Variants in FRMD4A observed in about 807,000 individuals in gnomAD.
FRMD4A encodes the protein FERM domain-containing protein 4A.
Under a neutral mutation model 129.1 loss-of-function variants are expected in FRMD4A, and 29 were observed. The observed-to-expected ratio is 0.22, with a 90% confidence interval of 0.17 to 0.31. The LOEUF (loss-of-function observed/expected upper bound fraction) is 0.31. Among genes scored for constraint, FRMD4A ranks in the 10% least tolerant of loss-of-function variants. The probability of loss-of-function intolerance (pLI) is 1.00; values close to 1 mark genes in which losing one functional copy is unlikely to be tolerated. For missense variants in FRMD4A, 1,272 were observed against 1,375.8 expected (o/e 0.92, Z 1.19); for synonymous variants, 634 against 571.6 (o/e 1.11, Z -1.56).
At chr10:14,190,493 G>T (rs140729379) in intron 2 of FRMD4A, among the ~76,000 whole-genome samples, 1 of 152,088 alleles carries the variant, frequency 6.6e-6, no homozygotes, top group East Asian at 1.9e-4. Flanking sequence ...CTCCCGAGTA[G>T]CTGAGACCAC....
In FRMD4A at chr10:13,858,819, C is replaced by T. The variant is rs377018478; in HGVS notation, c.111+28G>A. ...GAAACCACATCAGTCACCAAAGAAA[C>T]TCAGAAAGTTGACCAAAAGCGATTT... On this transcript the variant is annotated intron_variant, in intron 3 of 24. Transcript: ENST00000357447. 95 of 1,384,416 alleles carry T rather than the reference C, an allele frequency of 6.9e-5. No individual in the cohort carries two copies. In the African/African-American group the frequency reaches 1.1e-3, roughly 17 times the overall value. The allele number at this position is 1,384,416 out of a possible 1,614,324, so 85.8% of individuals were successfully genotyped here.
chr10:14,300,936 A>G (rs1466672652), intron 2 of FRMD4A, among the ~76,000 whole-genome samples: 1 of 152,180 alleles, frequency 6.6e-6, no homozygotes, highest in East Asian at 1.9e-4. Flanking sequence ...GTTTTGGCCA[A>G]CAAATGGTCT....
At chr10:13,718,742 T>C (rs1296948348) in intron 12 of FRMD4A, among the ~76,000 whole-genome samples, 1 of 152,210 alleles carries the variant, frequency 6.6e-6, no homozygotes, top group Non-Finnish European at 1.5e-5. Context: ...TAAACAACTT[T>C]CTTTTCACCA....
At chr10:14,210,420 C>A (rs1842903922) in intron 2 of FRMD4A, among the ~76,000 whole-genome samples, 1 of 152,174 alleles carries the variant, frequency 6.6e-6, no homozygotes, top group Non-Finnish European at 1.5e-5. Context: ...TTTGTTACAG[C>A]AGCCCAAACA....
chr10:14,187,821 G>T lies in FRMD4A; in HGVS notation c.45+142237C>A, dbSNP rs1386989213. ...AGACTTGGGAAATTTGGTTTTCTTT[G>T]ATTCCATATTTCACTAGGGGGAAAT... On this transcript the variant is annotated intron_variant, in intron 2 of 24. Transcript: ENST00000357447. 2.0e-5 allele frequency among the ~76,000 whole-genome samples: 3 copies of T among 152,136 alleles called. No homozygotes were observed. In the South Asian group the frequency reaches 6.2e-4, roughly 32 times the overall value.
At chr10:13,683,306 C>T (rs1027171955) in intron 15 of FRMD4A, among the ~76,000 whole-genome samples, 2 of 152,046 alleles carry the variant, frequency 1.3e-5, no homozygotes, top group Non-Finnish European at 1.5e-5. Context: ...AAGAATAGGC[C>T]GGGCCTGGTG....
At chr10:14,128,586 C>T (rs774668912) in intron 2 of FRMD4A, among the ~76,000 whole-genome samples, 4 of 152,280 alleles carry the variant, frequency 2.6e-5, no homozygotes, top group Middle Eastern at 3.4e-3. Context: ...CTTGTTTGTG[C>T]ATGGATTTAC....
At chr10:13,686,001 C>T (rs1402472016) in intron 15 of FRMD4A, among the ~76,000 whole-genome samples, 1 of 152,220 alleles carries the variant, frequency 6.6e-6, no homozygotes, top group Non-Finnish European at 1.5e-5. Flanking sequence ...AATTTTGACT[C>T]AGGCCAGTCC....
chr10:14,092,908 A>T (rs1457727229), intron 2 of FRMD4A, among the ~76,000 whole-genome samples: 1 of 152,194 alleles, frequency 6.6e-6, no homozygotes, highest in Non-Finnish European at 1.5e-5. Context: ...AGACCTAGGT[A>T]TAGAGAAACA....
intron 2 of FRMD4A, among the ~76,000 whole-genome samples, chr10:14,261,294 C>T (rs191060407): frequency 1.9e-3 from 290 of 152,244 alleles, no homozygotes; most frequent in Non-Finnish European, 2.7e-3. Context: ...TATAAATTTC[C>T]TATACATGAT....
intron 2 of FRMD4A, among the ~76,000 whole-genome samples, chr10:14,150,918 G>T (rs902034998): frequency 1.3e-5 from 2 of 152,212 alleles, no homozygotes; most frequent in African/African-American, 4.8e-5. Context: ...GAAGGAATTT[G>T]CAGACTCTGG....
chr10:14,139,217 C>A (rs1048817945), intron 2 of FRMD4A, among the ~76,000 whole-genome samples: 1 of 152,124 alleles, frequency 6.6e-6, no homozygotes, highest in Non-Finnish European at 1.5e-5. Flanking sequence ...ATGGTTATAA[C>A]AATGGTATGA....
intron 6 of FRMD4A, among the ~76,000 whole-genome samples, chr10:13,764,920 C>G (rs374495588): frequency 6.6e-6 from 1 of 152,066 alleles, no homozygotes; most frequent in African/African-American, 2.4e-5. Flanking sequence ...CTTAAGGGGC[C>G]GGGAACAGAC....
intron 2 of FRMD4A, among the ~76,000 whole-genome samples, chr10:13,980,324 G>A (rs867017082): frequency 6.6e-6 from 1 of 152,224 alleles, no homozygotes; most frequent in Admixed American, 6.5e-5. Flanking sequence ...CAAGCCCTCC[G>A]CATTCCAGCA....
intron 2 of FRMD4A, among the ~76,000 whole-genome samples, chr10:14,249,221 G>A (rs1025339484): frequency 6.6e-6 from 1 of 151,898 alleles, no homozygotes; most frequent in African/African-American, 2.4e-5. Flanking sequence ...GTGTGGTGGT[G>A]GGCACCTATA....
intron 4 of FRMD4A, among the ~76,000 whole-genome samples, chr10:13,801,086 A>C (rs1378375257): frequency 1.5e-4 from 23 of 152,148 alleles, no homozygotes. Flanking sequence ...GTCTCTACCA[A>C]AAATACAAAA....
At chr10:13,875,817 C>T (rs2094483374) in intron 2 of FRMD4A, among the ~76,000 whole-genome samples, 1 of 152,186 alleles carries the variant, frequency 6.6e-6, no homozygotes, top group Non-Finnish European at 1.5e-5. Flanking sequence ...ATACCAGATA[C>T]TTGTGAGGCA....
chr10:13,756,354 T>TA (rs969319613), intron 8 of FRMD4A, among the ~76,000 whole-genome samples: 36 of 152,346 alleles, frequency 2.4e-4, no homozygotes, highest in African/African-American at 8.7e-4. Context: ...TGCTAAACGT[T>TA]ATTTTTTATT....
At chr10:13,795,768 G>C (rs2130823400) in intron 5 of FRMD4A, among the ~76,000 whole-genome samples, 1 of 152,234 alleles carries the variant, frequency 6.6e-6, no homozygotes, top group East Asian at 1.9e-4. Flanking sequence ...TTCTGACTTT[G>C]CCACCAATTC....
Sources: gnomAD v4.1 joint callset for allele counts (sites outside exome capture counted in the v4.1 genomes callset) on GRCh38, gnomAD v4.1.1 for gene constraint, MANE v1.5 for transcripts, NCBI Gene and HGNC (gene_info 2026-07-23, HGNC 2026-07-21) for gene names.